SIK3: variants seen among roughly 807,000 people sequenced by gnomAD.
The protein encoded by SIK3 is SIK family kinase 3, also known as serine/threonine-protein kinase SIK3.
SIK3 carries 28 observed loss-of-function variants against 144.2 expected under a neutral mutation model. The observed-to-expected ratio is 0.19, with a 90% CI of 0.14 to 0.27. The LOEUF (loss-of-function observed/expected upper bound fraction) is 0.27. Ranked by LOEUF, SIK3 falls within the 10% of genes least tolerant of loss-of-function variation. The pLI is 1.00. For synonymous variants in SIK3, 686 were observed against 676.3 expected (o/e 1.01, Z -0.22); for missense variants, 1,319 against 1,776.0 (o/e 0.74, Z 4.62).
chr11:116,906,689 G>A (rs1946059253), intron 4 of SIK3, among the ~76,000 whole-genome samples: 1 of 152,026 alleles, frequency 6.6e-6, no homozygotes, highest in Non-Finnish European at 1.5e-5. Context: ...TTGATCTGAG[G>A]GAAAACAAAT....
intron 4 of SIK3, among the ~76,000 whole-genome samples, chr11:116,898,961 A>T: frequency 1.4e-5 from 2 of 143,530 alleles, no homozygotes; most frequent in Non-Finnish European, 1.5e-5. Context: ...GCTGTGCAGA[A>T]GCTCTTTAGT....
At chr11:116,932,619 C>T (rs1947677153) in intron 3 of SIK3, among the ~76,000 whole-genome samples, 1 of 152,126 alleles carries the variant, frequency 6.6e-6, no homozygotes, top group South Asian at 2.1e-4. Context: ...AAATATTTCA[C>T]CACCACAAAG....
intron 1 of SIK3, among the ~76,000 whole-genome samples, chr11:117,042,128 G>C (rs1168705128): frequency 1.3e-5 from 2 of 152,032 alleles, no homozygotes; most frequent in African/African-American, 4.8e-5. Context: ...CTGACTTCGA[G>C]GGTTACAGAA....
intron 13 of SIK3, 63 bp from the exon 14 acceptor site, chr11:116,870,464 A>G (rs778206193): frequency 4.0e-5 from 64 of 1,608,892 alleles, no homozygotes; most frequent in Non-Finnish European, 5.1e-5. Context: ...CTCTTACTCT[A>G]GTAACTGGGC....
intron 1 of SIK3, among the ~76,000 whole-genome samples, chr11:116,962,940 C>G (rs1241474463): frequency 6.6e-6 from 1 of 151,168 alleles, no homozygotes; most frequent in Non-Finnish European, 1.5e-5. Flanking sequence ...TATGTGCCCT[C>G]TTTCTCTTGG....
chr11:116,935,507 C>T (rs574392383), intron 3 of SIK3, among the ~76,000 whole-genome samples: 2 of 152,224 alleles, frequency 1.3e-5, no homozygotes, highest in African/African-American at 4.8e-5. Flanking sequence ...GATTTGTTTT[C>T]TTATGGCTTC....
At chr11:116,921,241 A>G (rs540962384) in intron 4 of SIK3, among the ~76,000 whole-genome samples, 1 of 152,208 alleles carries the variant, frequency 6.6e-6, no homozygotes, top group Non-Finnish European at 1.5e-5. Context: ...TACTTTTTTA[A>G]TAAGATATAT....
At chr11:117,007,221 T>C (rs1333017841) in intron 1 of SIK3, among the ~76,000 whole-genome samples, 1 of 152,070 alleles carries the variant, frequency 6.6e-6, no homozygotes, top group Non-Finnish European at 1.5e-5. Context: ...CTACTAAAAA[T>C]ATAAAAATTA....
At chr11:116,975,083 T>G (rs1401690976) in intron 1 of SIK3, among the ~76,000 whole-genome samples, 1 of 152,064 alleles carries the variant, frequency 6.6e-6, no homozygotes, top group Non-Finnish European at 1.5e-5. Context: ...TTGACAAATA[T>G]TTAGCCCGAA....
At chr11:116,934,471 C>T (rs1426132777) in intron 3 of SIK3, among the ~76,000 whole-genome samples, 1 of 152,172 alleles carries the variant, frequency 6.6e-6, no homozygotes, top group Non-Finnish European at 1.5e-5. Flanking sequence ...CTGTACTTGG[C>T]ATACAAGCAA....
chr11:116,849,773 T>G lies in SIK3; in HGVS notation c.3656-490A>C, dbSNP rs1274578154. ...CCTTTGATGGCCCCTCCACCCTTTCTAAGCAAGTACTCTCCACATTTTTGT... is the reference window on the plus strand; with the variant it reads ...CCTTTGATGGCCCCTCCACCCTTTCGAAGCAAGTACTCTCCACATTTTTGT... On this transcript the variant is annotated intron_variant, in intron 21 of 24. Transcript: ENST00000445177. This position sits in a 1 kb window ranked among gnomAD's most constrained non-coding sequence, Gnocchi z 4.2. Among the ~76,000 whole-genome samples, 1 of 152,144 alleles carries G rather than the reference T, an allele frequency of 6.6e-6. No individual in the cohort carries two copies. Among genetic ancestry groups the G allele is most frequent in the Non-Finnish European group, 1.5e-5 (1 of 68,028 alleles).
chr11:117,069,776 A>C (rs1286803813), intron 1 of SIK3, among the ~76,000 whole-genome samples: 1 of 152,162 alleles, frequency 6.6e-6, no homozygotes, highest in East Asian at 1.9e-4. Flanking sequence ...CATTCAGAAA[A>C]ACATTTAAGT....
chr11:116,890,491 T>C (rs1334924523), intron 6 of SIK3, among the ~76,000 whole-genome samples: 1 of 152,220 alleles, frequency 6.6e-6, no homozygotes, highest in East Asian at 1.9e-4. Flanking sequence ...TCATATTTAC[T>C]AAGTCCTACT....
At chr11:117,049,540 T>A (rs1346220515) in intron 1 of SIK3, among the ~76,000 whole-genome samples, 2 of 151,810 alleles carry the variant, frequency 1.3e-5, no homozygotes, top group Middle Eastern at 3.4e-3. Flanking sequence ...ATCGCGCCAC[T>A]GCATACCAGC....
At chr11:117,030,232 C>T (rs1241286343) in intron 1 of SIK3, among the ~76,000 whole-genome samples, 3 of 152,122 alleles carry the variant, frequency 2.0e-5, no homozygotes, top group South Asian at 2.1e-4. Flanking sequence ...ATGCCCACGT[C>T]GTGACACAGT....
At chr11:117,071,187 CAA>C (rs767405441) in intron 1 of SIK3, among the ~76,000 whole-genome samples, 6 of 104,974 alleles carry the variant, frequency 5.7e-5, no homozygotes, top group Non-Finnish European at 7.3e-5. Flanking sequence ...CTCAGTATTG[CAA>C]AAAAAAAAAA....
At chr11:116,982,495 G>T (rs1950177472) in intron 1 of SIK3, among the ~76,000 whole-genome samples, 1 of 151,866 alleles carries the variant, frequency 6.6e-6, no homozygotes. Context: ...TCACCATGTT[G>T]GCCAGGCTGG....
chr11:117,098,241 T>C lies in SIK3; in HGVS notation c.175A>G (p.Met59Val). 1 of 1,481,392 alleles carries C rather than the reference T, an allele frequency of 6.8e-7. No homozygotes were observed. The highest frequency in any genetic ancestry group is 9.0e-7 in the Non-Finnish European group (1 of 1,113,984). The allele number at this position is 1,481,392 out of a possible 1,614,324, so 91.8% of individuals were successfully genotyped here. A position where few individuals can be genotyped will look rare whatever the true frequency, so the allele number is the denominator to read the frequency against. Residue 59 changes from methionine (M) to valine (V), a missense_variant, in exon 1 of 25, where the codon ATG becomes GTG. Met to Val is a conservative substitution (Grantham distance 21). This residue lies in a region of SIK3 where 114 missense variants were observed against 116.2 expected (regional missense o/e 0.98). Transcript: ENST00000445177. Reference sequence around the variant, plus strand: ...TCGTAGTAGCCGATACGGGCGGGCATGGGTCCGCGGGAGGCCGGGGCTGGG... The same window carrying C: ...TCGTAGTAGCCGATACGGGCGGGCACGGGTCCGCGGGAGGCCGGGGCTGGG... Reference protein sequence around the residue: ...RPPAPASRGPMPARIGYYEID... With the variant: ...RPPAPASRGPVPARIGYYEID...
intron 4 of SIK3, among the ~76,000 whole-genome samples, chr11:116,898,595 T>G (rs977102352): frequency 1.3e-5 from 2 of 151,788 alleles, no homozygotes; most frequent in African/African-American, 4.8e-5. Context: ...CCACCAACAG[T>G]GTAAAAGTGT....
Sources: gnomAD v4.1 joint callset for allele counts (sites outside exome capture counted in the v4.1 genomes callset) on GRCh38, gnomAD v4.1.1 for gene constraint, gnomAD v4.1.1 regional missense constraint, Gnocchi (gnomAD v3.1) non-coding constraint, MANE v1.5 for transcripts, NCBI Gene and HGNC (gene_info 2026-07-23, HGNC 2026-07-21) for gene names.